Variants in AOAH observed in about 807,000 individuals in gnomAD.
AOAH encodes the protein acyloxyacyl hydrolase (neutrophil).
In AOAH, 64 loss-of-function variants were observed where a neutral mutation model predicts 92.2. The ratio of observed to expected loss-of-function variants is 0.69; its 90% CI spans 0.57 to 0.86. The LOEUF (loss-of-function observed/expected upper bound fraction) is 0.86. Among genes scored for constraint, AOAH ranks in the 40% least tolerant of loss-of-function variants. AOAH has a pLI of 0.00. For missense variants in AOAH, 656 were observed against 694.6 expected (o/e 0.94, Z 0.62); for synonymous variants, 263 against 254.5 (o/e 1.03, Z -0.32).
intron 16 of AOAH, among the ~76,000 whole-genome samples, 189 bp downstream of exon 16, chr7:36,540,130 G>A (rs1024514063): frequency 6.6e-6 from 1 of 151,752 alleles, no homozygotes; most frequent in Non-Finnish European, 1.5e-5. Flanking sequence ...TCTGCCTTTG[G>A]ATCTGATTCG....
chr7:36,549,596 T>G (rs1786045586), intron 13 of AOAH, 121 bp from the exon 14 acceptor site: 1 of 664,844 alleles, frequency 1.5e-6, no homozygotes, highest in African/African-American at 1.8e-5. Context: ...AAGGTTGTTC[T>G]GACCAACACA....
rs571805967 is a variant in AOAH at position 36,698,229 on chromosome 7, C to T, written c.128-11435G>A. ...TACCTTCTTGGCACAAAATTGTTTACGATCTTTCCTTATGATCCTTTTAAT... is the reference window on the plus strand; with the variant it reads ...TACCTTCTTGGCACAAAATTGTTTATGATCTTTCCTTATGATCCTTTTAAT... On this transcript the variant is annotated intron_variant, in intron 1 of 20. Transcript: ENST00000617537. Among the ~76,000 whole-genome samples, 23 of 152,256 alleles carry T rather than the reference C, an allele frequency of 1.5e-4. No homozygotes were observed. In the South Asian group the frequency reaches 2.1e-3, roughly 14 times the overall value.
At chr7:36,656,554 A>G (rs1457212998) in intron 4 of AOAH, among the ~76,000 whole-genome samples, 1 of 152,028 alleles carries the variant, frequency 6.6e-6, no homozygotes, top group Admixed American at 6.6e-5. Flanking sequence ...GCTCTACTAC[A>G]GACAGAGGAG....
At chr7:36,569,436 G>A (rs899425980) in intron 13 of AOAH, among the ~76,000 whole-genome samples, 3 of 151,846 alleles carry the variant, frequency 2.0e-5, no homozygotes, top group Non-Finnish European at 2.9e-5. Context: ...TACTTTAGAG[G>A]TATGTGCCTT....
At chr7:36,518,240 C>T (rs1275559080) in intron 20 of AOAH, among the ~76,000 whole-genome samples, 2 of 152,036 alleles carry the variant, frequency 1.3e-5, no homozygotes, top group Non-Finnish European at 2.9e-5. Context: ...GATGAAGTCT[C>T]GCTCTGTTGC....
intron 4 of AOAH, among the ~76,000 whole-genome samples, chr7:36,642,695 T>G (rs1793988786): frequency 6.6e-6 from 1 of 152,212 alleles, no homozygotes; most frequent in South Asian, 2.1e-4. Flanking sequence ...TGTTAGTATC[T>G]GTACTCTGCC....
At chr7:36,517,262 C>CTCTCTCTTTCTT (rs1783832509) in intron 20 of AOAH, among the ~76,000 whole-genome samples, 2 of 132,588 alleles carry the variant, frequency 1.5e-5, no homozygotes, top group African/African-American at 6.3e-5. Context: ...CTGTGTCTCT[C>CTCTCTCTTTCTT]TCTTTCTTTC....
chr7:36,667,707 G>A (rs994935853), intron 3 of AOAH, among the ~76,000 whole-genome samples: 1 of 152,158 alleles, frequency 6.6e-6, no homozygotes, highest in Non-Finnish European at 1.5e-5. Flanking sequence ...AGTTCCATCA[G>A]TTTTTGCCTC....
At chr7:36,633,975 C>G (rs1793341263) in intron 5 of AOAH, among the ~76,000 whole-genome samples, 1 of 152,154 alleles carries the variant, frequency 6.6e-6, no homozygotes, top group African/African-American at 2.4e-5. Context: ...AAATCTGCCT[C>G]CAGACACTGC....
chr7:36,540,382 A>G lies in AOAH; in HGVS notation c.1243T>C (p.Leu415=), dbSNP rs1785341451. ...AAGGTTCCATCTGGTAAGCCATACAAAATAACATGGCTGCCATTGGGCAGG... is the reference window on the plus strand; with the variant it reads ...AAGGTTCCATCTGGTAAGCCATACAGAATAACATGGCTGCCATTGGGCAGG... ...SHLPNGSHVI[L]YGLPDGTFLW... is the part of the protein sequence containing the mutation. The change falls in exon 16 of 21, where the codon TTG becomes CTG. Residue 415 remains leucine (L), a synonymous_variant. Coordinates refer to ENST00000617537, the MANE Select transcript of AOAH (RefSeq NM_001637.4). 1 of 1,614,084 alleles carries G rather than the reference A, an allele frequency of 6.2e-7. No individual in the cohort carries two copies.
Position 36,614,809 on chromosome 7 carries a change from A to G in AOAH, c.846+1571T>C, listed in dbSNP as rs1791742152. The stretch of plus-strand genomic sequence containing the variant: ...GACAAACTCATTACCCATCCAAATA[A>G]TTAGCATGTTCCAGCACAGAGGTTT... On this transcript the variant is annotated intron_variant, in intron 11 of 20. Transcript: ENST00000617537. The surrounding 1 kb of genome is among the most constrained non-coding windows in gnomAD (Gnocchi z 4.2). 6.6e-6 allele frequency among the ~76,000 whole-genome samples: 1 copy of G among 152,158 alleles called. No homozygotes were observed. The highest frequency in any genetic ancestry group is 1.5e-5 in the Non-Finnish European group (1 of 68,022).
At chr7:36,633,896 A>T (rs1409952035) in intron 5 of AOAH, among the ~76,000 whole-genome samples, 2 of 152,250 alleles carry the variant, frequency 1.3e-5, no homozygotes, top group Admixed American at 1.3e-4. Context: ...GCACTGTGAG[A>T]TGCTGGGCAG....
intron 19 of AOAH, among the ~76,000 whole-genome samples, chr7:36,523,838 T>C (rs1562532495): frequency 6.6e-6 from 1 of 152,100 alleles, no homozygotes; most frequent in East Asian, 1.9e-4. Flanking sequence ...ATCCAACAAA[T>C]TGCCATCAAT....
intron 4 of AOAH, among the ~76,000 whole-genome samples, chr7:36,656,281 T>C (rs1488253179): frequency 6.6e-6 from 1 of 152,076 alleles, no homozygotes; most frequent in Non-Finnish European, 1.5e-5. Flanking sequence ...AAGGAGCATA[T>C]ACCGCGCGAG....
At chr7:36,723,889 GTGAGGTTAC>G (rs1205427678) in intron 1 of AOAH, 124 bp downstream of exon 1, 1 of 941,304 alleles carries the variant, frequency 1.1e-6, no homozygotes, top group Non-Finnish European at 1.5e-6. Context: ...CTCTGTGTCA[GTGAGGTTAC>G]TGGTGCCTTA....
intron 16 of AOAH, among the ~76,000 whole-genome samples, chr7:36,539,461 CCTT>C (rs1464198934): frequency 6.6e-6 from 1 of 152,208 alleles, no homozygotes; most frequent in Non-Finnish European, 1.5e-5. Flanking sequence ...GCACTTATCA[CCTT>C]CTGATATACT....
At chr7:36,698,264 G>A (rs980923248) in intron 1 of AOAH, among the ~76,000 whole-genome samples, 4 of 151,948 alleles carry the variant, frequency 2.6e-5, no homozygotes, top group Admixed American at 2.6e-4. Context: ...TTTCCTTTGG[G>A]TCTACAGTGA....
At chr7:36,514,796 T>C (rs1164850016) in intron 20 of AOAH, 2 of 507,420 alleles carry the variant, frequency 3.9e-6, no homozygotes, top group Non-Finnish European at 7.1e-6. Flanking sequence ...CCCTTCCTAA[T>C]AGGCAGCGTA....
intron 3 of AOAH, among the ~76,000 whole-genome samples, chr7:36,662,172 G>A (rs959859162): frequency 5.3e-5 from 8 of 152,298 alleles, no homozygotes; most frequent in Admixed American, 2.0e-4. Context: ...GGCCACCTTG[G>A]AAATCTCCAA....
Sources: gnomAD v4.1 joint callset for allele counts (sites outside exome capture counted in the v4.1 genomes callset) on GRCh38, gnomAD v4.1.1 for gene constraint, Gnocchi (gnomAD v3.1) non-coding constraint, MANE v1.5 for transcripts, NCBI Gene and HGNC (gene_info 2026-07-23, HGNC 2026-07-21) for gene names.